CSMD1: variants seen among roughly 807,000 people sequenced by gnomAD.
CSMD1 encodes CUB and Sushi multiple domains 1.
In CSMD1, 213 loss-of-function variants were observed where a neutral mutation model predicts 417.5. The ratio of observed to expected loss-of-function variants is 0.51; its 90% CI spans 0.46 to 0.57. The LOEUF is 0.57. Ranked by LOEUF, CSMD1 falls within the 20% of genes least tolerant of loss-of-function variation. The probability of loss-of-function intolerance (pLI) is 0.00; values close to 1 mark genes in which losing one functional copy is unlikely to be tolerated. For missense variants in CSMD1, 6,923 were observed against 4,529.7 expected, an observed-to-expected ratio of 1.53 and a Z score of -15.17; for synonymous variants, 2,862 against 1,736.8, an observed-to-expected ratio of 1.65 and a Z score of -16.11.
At chr8:4,506,135 C>T (rs2130312390) in intron 2 of CSMD1, among the ~76,000 whole-genome samples, 1 of 152,278 alleles carries the variant, frequency 6.6e-6, no homozygotes, top group African/African-American at 2.4e-5. Flanking sequence ...AGCCCAGTTA[C>T]TGCTGTATTA....
intron 10 of CSMD1, among the ~76,000 whole-genome samples, chr8:3,528,367 A>C (rs1157667947): frequency 6.6e-6 from 1 of 152,220 alleles, no homozygotes; most frequent in Non-Finnish European, 1.5e-5. Context: ...GCACAAGAGA[A>C]TACAAATATC....
chr8:4,283,912 G>T (rs978937065), intron 3 of CSMD1, among the ~76,000 whole-genome samples: 3 of 152,154 alleles, frequency 2.0e-5, no homozygotes, highest in Non-Finnish European at 4.4e-5. Flanking sequence ...ATCCTAGAAT[G>T]TTTGCAAATC....
chr8:3,803,219 G>C (rs1222965768), intron 5 of CSMD1, among the ~76,000 whole-genome samples: 1 of 152,092 alleles, frequency 6.6e-6, no homozygotes, highest in Non-Finnish European at 1.5e-5. Flanking sequence ...GTGATGACTT[G>C]TGTGCCAACC....
At chr8:3,918,708 G>A (rs1809006711) in intron 5 of CSMD1, among the ~76,000 whole-genome samples, 2 of 152,120 alleles carry the variant, frequency 1.3e-5, no homozygotes, top group Non-Finnish European at 2.9e-5. Context: ...AAAAAGGAAT[G>A]AATTAATGGC....
At chr8:4,974,595 C>T (rs73497730) in intron 1 of CSMD1, among the ~76,000 whole-genome samples, 2,263 of 152,134 alleles carry the variant, frequency 0.015, 47 homozygotes, top group African/African-American at 0.052. Flanking sequence ...GTATAACAAA[C>T]ATCAACATAT....
At chr8:3,353,283 G>C (rs932831438) in intron 21 of CSMD1, among the ~76,000 whole-genome samples, 4 of 152,128 alleles carry the variant, frequency 2.6e-5, no homozygotes, top group Non-Finnish European at 5.9e-5. Flanking sequence ...ACTTTTGGAG[G>C]CATGTCTTCT....
At chr8:4,150,161 CA>C (rs1796493411) in intron 3 of CSMD1, among the ~76,000 whole-genome samples, 1 of 152,152 alleles carries the variant, frequency 6.6e-6, no homozygotes, top group Non-Finnish European at 1.5e-5. Context: ...TGAGGATAGA[CA>C]AAATCCAGGT....
At chr8:3,589,121 A>G (rs1445339733) in intron 8 of CSMD1, among the ~76,000 whole-genome samples, 1 of 152,180 alleles carries the variant, frequency 6.6e-6, no homozygotes, top group Non-Finnish European at 1.5e-5. Flanking sequence ...ACCCTTGTAC[A>G]TTGTTGTTAG....
intron 1 of CSMD1, among the ~76,000 whole-genome samples, chr8:4,887,635 A>C (rs567563639): frequency 3.3e-5 from 5 of 151,932 alleles, no homozygotes; most frequent in Non-Finnish European, 7.4e-5. Flanking sequence ...TATTTTCAAT[A>C]TTTATTAATT....
At chr8:3,236,892 A>G (rs1387400971) in intron 26 of CSMD1, among the ~76,000 whole-genome samples, 1 of 152,082 alleles carries the variant, frequency 6.6e-6, no homozygotes, top group East Asian at 1.9e-4. Flanking sequence ...CCTGTTTTCC[A>G]GTTTCCCACA....
At chr8:4,008,684 A>C (rs2740960) in intron 4 of CSMD1, among the ~76,000 whole-genome samples, 90,638 of 144,570 alleles carry the variant, frequency 0.63, 28,274 homozygotes, top group South Asian at 0.68. Context: ...GATCTCAGGT[A>C]ACTGCAAGCT....
intron 51 of CSMD1, among the ~76,000 whole-genome samples, chr8:3,023,679 C>T (rs1356284023): frequency 5.3e-5 from 8 of 152,088 alleles, no homozygotes; most frequent in Admixed American, 5.2e-4. Context: ...GCGGATTCCA[C>T]AGTTGTCATG....
intron 5 of CSMD1, among the ~76,000 whole-genome samples, chr8:3,811,215 C>A (rs1299207605): frequency 3.9e-5 from 6 of 152,076 alleles, no homozygotes; most frequent in Non-Finnish European, 7.4e-5. Context: ...GGGAGAAGGG[C>A]AATCTGTGAG....
chr8:3,410,316 G>C (rs576371570), intron 12 of CSMD1, among the ~76,000 whole-genome samples: 66 of 152,222 alleles, frequency 4.3e-4, no homozygotes, highest in African/African-American at 1.5e-3. Flanking sequence ...TCTAGGTAAG[G>C]GCTTAGTGAA....
intron 1 of CSMD1, among the ~76,000 whole-genome samples, chr8:4,747,023 C>A (rs1376860411): frequency 2.6e-5 from 4 of 152,104 alleles, no homozygotes; most frequent in South Asian, 4.1e-4. Context: ...TTCAGAGAAG[C>A]CACTGAGTAG....
chr8:4,450,234 G>A (rs965590539), intron 2 of CSMD1, among the ~76,000 whole-genome samples: 1 of 152,210 alleles, frequency 6.6e-6, no homozygotes, highest in Admixed American at 6.5e-5. Flanking sequence ...AGACTAAGAT[G>A]AAAGCAAAGA....
In CSMD1 at chr8:3,872,532, G is replaced by A. The variant is rs150017824; in HGVS notation, c.819-118490C>T. 1.8e-3 allele frequency among the ~76,000 whole-genome samples: 279 copies of A among 152,338 alleles called. 1 individual carries two copies. The highest frequency in any genetic ancestry group is 1.7e-3 in the Non-Finnish European group (115 of 68,030). ...CTAGGTAATGTTCTGCCAGGTCACT[G>A]AAAGGCTGATCTCAAGAACTGAGGT... On this transcript the variant is annotated intron_variant, in intron 5 of 69. Transcript: ENST00000635120.
intron 2 of CSMD1, among the ~76,000 whole-genome samples, chr8:4,608,766 G>C (rs1461051581): frequency 6.6e-6 from 1 of 152,148 alleles, no homozygotes; most frequent in African/African-American, 2.4e-5. Context: ...CATATGTTCA[G>C]GAGGCTGGAA....
intron 26 of CSMD1, among the ~76,000 whole-genome samples, chr8:3,248,678 A>G (rs182112828): frequency 1.5e-4 from 23 of 151,664 alleles, no homozygotes; most frequent in Admixed American, 4.6e-4. Flanking sequence ...ATTTGTTTTT[A>G]TTTCTTAAGA....
Sources: gnomAD v4.1 joint callset for allele counts (sites outside exome capture counted in the v4.1 genomes callset) on GRCh38, gnomAD v4.1.1 for gene constraint, MANE v1.5 for transcripts, NCBI Gene and HGNC (gene_info 2026-07-23, HGNC 2026-07-21) for gene names.